Variants in AMD1 observed in about 807,000 individuals in gnomAD.
The protein encoded by AMD1 is adenosylmethionine decarboxylase 1.
AMD1 carries 11 observed loss-of-function variants against 40.2 expected under a neutral mutation model. The ratio of observed to expected loss-of-function variants is 0.27; its 90% confidence interval spans 0.17 to 0.45. The LOEUF (loss-of-function observed/expected upper bound fraction) is 0.45, where lower values mean the gene tolerates loss of function less well. Among genes scored for constraint, AMD1 ranks in the 20% least tolerant of loss-of-function variants. The pLI is 1.00. For synonymous variants in AMD1, 121 were observed against 130.8 expected (o/e 0.93, Z 0.51); for missense variants, 257 against 410.2 (o/e 0.63, Z 3.23).
At chr6:110,893,089 TC>T in intron 8 of AMD1, 24 bp downstream of exon 8, 1 of 1,563,826 alleles carries the variant, frequency 6.4e-7, no homozygotes, top group Non-Finnish European at 8.7e-7. Flanking sequence ...TTATTATTAA[TC>T]AGGTTATTTG....
the AMD1 span, among the ~76,000 whole-genome samples, chr6:110,862,172 C>G: frequency 2.9e-4 from 44 of 151,674 alleles, no homozygotes; most frequent in African/African-American, 9.7e-4. Context: ...CCATACTTCG[C>G]TAATTTTTTT....
chr6:110,879,087 G>A (rs1785264233), intron 1 of AMD1, among the ~76,000 whole-genome samples: 1 of 152,150 alleles, frequency 6.6e-6, no homozygotes, highest in East Asian at 1.9e-4. Flanking sequence ...TCATGGCTGG[G>A]CTTGGTGGCT....
intron 5 of AMD1, 36 bp from the exon 6 acceptor site, chr6:110,892,263 T>G: frequency 6.2e-7 from 1 of 1,613,602 alleles, no homozygotes; most frequent in Non-Finnish European, 8.5e-7. Context: ...AACTGCCAAT[T>G]GTCATTTTTA....
intron 4 of AMD1, among the ~76,000 whole-genome samples, chr6:110,890,599 CCTTAGCCTCCCAA>C (rs1182031122): frequency 6.6e-6 from 1 of 152,178 alleles, no homozygotes; most frequent in Non-Finnish European, 1.5e-5. Context: ...GATCCTCCCA[CCTTAGCCTCCCAA>C]GTAGCTGGGG....
chr6:110,890,203 T>A, intron 3 of AMD1, 51 bp from the exon 4 acceptor site: 1 of 1,345,820 alleles, frequency 7.4e-7, no homozygotes, highest in Non-Finnish European at 1.0e-6. Context: ...AGTGATAGAA[T>A]TCTACATCTA....
At chr6:110,845,741 C>T in the AMD1 span, among the ~76,000 whole-genome samples, 1 of 152,174 alleles carries the variant, frequency 6.6e-6, no homozygotes, top group Non-Finnish European at 1.5e-5. Context: ...TTTTGGGACT[C>T]GGATGGGCTT....
chr6:110,892,314 G>C lies in AMD1; in HGVS notation c.486G>C (p.Leu162=). ...MNSDCWYLYT[L]DFPESRVISQ... Reference sequence around the variant, plus strand: ...TTTTATTTAGGTACTTATATACTCTGGATTTCCCAGAGAGTCGGGTAATCA... The same window carrying C: ...TTTTATTTAGGTACTTATATACTCTCGATTTCCCAGAGAGTCGGGTAATCA... Residue 162 remains leucine, a synonymous_variant, in exon 6 of 9, where the codon CTG becomes CTC. Coordinates refer to ENST00000368885, the MANE Select transcript of AMD1 (RefSeq NM_001634.6). The C allele has an allele frequency of 6.2e-7, 1 of 1,613,694 alleles. No individual in the cohort carries two copies. The highest frequency in any genetic ancestry group is 2.2e-5 in the East Asian group (1 of 44,872).
chr6:110,881,824 CAA>C (rs11436863), intron 1 of AMD1, among the ~76,000 whole-genome samples: 1 of 138,954 alleles, frequency 7.2e-6, no homozygotes, highest in African/African-American at 2.6e-5. Context: ...GACTGCATCT[CAA>C]AAAAAAAAAA....
the AMD1 span, among the ~76,000 whole-genome samples, chr6:110,818,524 T>TTATA: frequency 6.6e-6 from 1 of 151,492 alleles, no homozygotes; most frequent in Non-Finnish European, 1.5e-5. Context: ...AGTATCTTAT[T>TTATA]TATATATATA....
the AMD1 span, among the ~76,000 whole-genome samples, chr6:110,841,471 C>T: frequency 1.3e-5 from 2 of 152,182 alleles, no homozygotes; most frequent in African/African-American, 4.8e-5. Context: ...GCCTATGCCC[C>T]TTCCTTATTT....
upstream of AMD1, among the ~76,000 whole-genome samples, chr6:110,874,161 T>C (rs1425451755): frequency 6.6e-6 from 1 of 152,222 alleles, no homozygotes; most frequent in African/African-American, 2.4e-5. Flanking sequence ...ACAATGCTTC[T>C]GGCTATTGTA....
the AMD1 span, among the ~76,000 whole-genome samples, chr6:110,867,653 G>C: frequency 6.6e-6 from 1 of 152,128 alleles, no homozygotes; most frequent in East Asian, 1.9e-4. Flanking sequence ...AACAGAGTGA[G>C]ACTCTCACTC....
At chr6:110,892,278 C>T in intron 5 of AMD1, 21 bp from the exon 6 acceptor site, 2 of 1,613,402 alleles carry the variant, frequency 1.2e-6, no homozygotes, top group East Asian at 4.5e-5. Context: ...TTTTTAGGAA[C>T]TATTTTTAAT....
At chr6:110,853,070 A>G in the AMD1 span, among the ~76,000 whole-genome samples, 1 of 149,930 alleles carries the variant, frequency 6.7e-6, no homozygotes, top group Non-Finnish European at 1.5e-5. Flanking sequence ...TGACTCTGCA[A>G]TATATTTGAG....
intron 1 of AMD1, among the ~76,000 whole-genome samples, chr6:110,886,076 G>A (rs1212390010): frequency 6.6e-6 from 1 of 151,996 alleles, no homozygotes; most frequent in Non-Finnish European, 1.5e-5. Context: ...CCAACATGGT[G>A]AAACCCTGTC....
At chr6:110,861,513 G>T in the AMD1 span, among the ~76,000 whole-genome samples, 1 of 148,738 alleles carries the variant, frequency 6.7e-6, no homozygotes, top group African/African-American at 2.5e-5. Flanking sequence ...AACAGAGTGA[G>T]ACTCCATCTC....
chr6:110,861,538 T>C, the AMD1 span, among the ~76,000 whole-genome samples: 1 of 147,526 alleles, frequency 6.8e-6, no homozygotes, highest in Non-Finnish European at 1.5e-5. Flanking sequence ...AATAAAATAA[T>C]AAAATAAAAT....
At chr6:110,840,134 CA>C in the AMD1 span, among the ~76,000 whole-genome samples, 1 of 151,374 alleles carries the variant, frequency 6.6e-6, no homozygotes, top group African/African-American at 2.4e-5. Context: ...TCTCCTGCCT[CA>C]GCCTCCTGAG....
the AMD1 span, among the ~76,000 whole-genome samples, chr6:110,860,030 T>C: frequency 6.6e-6 from 1 of 152,208 alleles, no homozygotes; most frequent in African/African-American, 2.4e-5. Context: ...TTTCACCATG[T>C]TGGCCAGGCT....
Sources: gnomAD v4.1 joint callset for allele counts (sites outside exome capture counted in the v4.1 genomes callset) on GRCh38, gnomAD v4.1.1 for gene constraint, MANE v1.5 for transcripts, NCBI Gene and HGNC (gene_info 2026-07-23, HGNC 2026-07-21) for gene names.